Variants in TUSC3 observed in about 807,000 individuals in gnomAD.
TUSC3 encodes the protein tumor suppressor candidate 3, also known as dolichyl-diphosphooligosaccharide--protein glycosyltransferase subunit TUSC3.
Under a neutral mutation model 44.8 loss-of-function variants are expected in TUSC3, and 45 were observed. The ratio of observed to expected loss-of-function variants is 1.00; its 90% CI spans 0.79 to 1.29. The LOEUF is 1.29. Among genes scored for constraint, TUSC3 ranks in the 50% most tolerant of loss-of-function variants. TUSC3 has a pLI of 0.00. For missense variants in TUSC3, 519 were observed against 437.9 expected (o/e 1.19, Z -1.65); for synonymous variants, 212 against 152.9 (o/e 1.39, Z -2.85).
chr8:15,735,321 G>T (rs983392884), intron 7 of TUSC3, among the ~76,000 whole-genome samples: 3 of 152,138 alleles, frequency 2.0e-5, no homozygotes, highest in Non-Finnish European at 4.4e-5. Context: ...CACAAGTAAG[G>T]TTCAAGAACA....
chr8:15,675,609 C>T (rs186210677), intron 6 of TUSC3, among the ~76,000 whole-genome samples: 8 of 152,150 alleles, frequency 5.3e-5, no homozygotes, highest in Admixed American at 5.2e-4. Context: ...CTCCTCTACC[C>T]TCTAATAGGC....
intron 6 of TUSC3, among the ~76,000 whole-genome samples, chr8:15,695,669 A>C (rs1231444681): frequency 6.6e-6 from 1 of 152,200 alleles, no homozygotes; most frequent in Non-Finnish European, 1.5e-5. Flanking sequence ...CTCCCTAGAG[A>C]CTTGTTGAAT....
At chr8:15,663,342 A>G (rs940787324) in intron 5 of TUSC3, among the ~76,000 whole-genome samples, 1 of 151,810 alleles carries the variant, frequency 6.6e-6, no homozygotes, top group Non-Finnish European at 1.5e-5. Context: ...ACTACATACA[A>G]TGTATTATAT....
At chr8:15,693,580 C>A (rs1446441856) in intron 6 of TUSC3, among the ~76,000 whole-genome samples, 1 of 149,224 alleles carries the variant, frequency 6.7e-6, no homozygotes, top group Non-Finnish European at 1.5e-5. Flanking sequence ...GCTGCCTTAG[C>A]TTTTTTTTCC....
chr8:15,810,295 T>C, the TUSC3 span, among the ~76,000 whole-genome samples: 1 of 152,134 alleles, frequency 6.6e-6, no homozygotes, highest in South Asian at 2.1e-4. Flanking sequence ...CATGTTAAAA[T>C]ATTTCCTCCT....
chr8:15,537,110 G>C (rs1196542073), upstream of TUSC3, among the ~76,000 whole-genome samples: 1 of 151,128 alleles, frequency 6.6e-6, no homozygotes. Context: ...CACCCTTTTA[G>C]GTCTCTTAAG....
chr8:15,542,517 G>A (rs1801726682), intron 1 of TUSC3, among the ~76,000 whole-genome samples: 1 of 151,966 alleles, frequency 6.6e-6, no homozygotes, highest in South Asian at 2.1e-4. Flanking sequence ...CCTTTCAGAT[G>A]GCTGGGGCAG....
intron 1 of TUSC3, among the ~76,000 whole-genome samples, chr8:15,578,791 C>T (rs967694219): frequency 1.3e-5 from 2 of 152,004 alleles, no homozygotes; most frequent in African/African-American, 4.8e-5. Flanking sequence ...TTTGTTGTGT[C>T]TCTGCCTGGC....
At chr8:15,758,826 A>C (rs1321657490) in intron 10 of TUSC3, among the ~76,000 whole-genome samples, 1 of 152,112 alleles carries the variant, frequency 6.6e-6, no homozygotes, top group Non-Finnish European at 1.5e-5. Context: ...CCTGAGCACT[A>C]GGAGACTGGA....
chr8:15,638,644 G>C (rs1806209286), intron 2 of TUSC3, among the ~76,000 whole-genome samples: 1 of 149,070 alleles, frequency 6.7e-6, no homozygotes, highest in South Asian at 2.1e-4. Flanking sequence ...CCCTGCTGCA[G>C]CCTCCTTAGT....
At chr8:15,642,280 T>C (rs983726167) in intron 2 of TUSC3, among the ~76,000 whole-genome samples, 5 of 152,210 alleles carry the variant, frequency 3.3e-5, no homozygotes, top group Non-Finnish European at 7.3e-5. Context: ...TCAAGAATTA[T>C]TTAAGAATAG....
chr8:15,441,363 C>T (rs372448787), intron 1 of TUSC3, among the ~76,000 whole-genome samples: 13 of 152,202 alleles, frequency 8.5e-5, no homozygotes, highest in East Asian at 3.9e-4. Flanking sequence ...GCCGAGATCG[C>T]GTCACTGCAC....
intron 2 of TUSC3, among the ~76,000 whole-genome samples, chr8:15,505,087 A>T (rs984687574): frequency 6.6e-6 from 1 of 152,168 alleles, no homozygotes; most frequent in African/African-American, 2.4e-5. Flanking sequence ...CACCTCCCAC[A>T]TTGTAAAAAT....
chr8:15,521,297 C>A (rs891552903), intron 2 of TUSC3, among the ~76,000 whole-genome samples: 1 of 152,106 alleles, frequency 6.6e-6, no homozygotes, highest in Non-Finnish European at 1.5e-5. Context: ...TTACCACTGA[C>A]CTTCAGGGTT....
At chr8:15,702,458 T>C (rs1171656555) in intron 6 of TUSC3, among the ~76,000 whole-genome samples, 2 of 152,166 alleles carry the variant, frequency 1.3e-5, no homozygotes, top group Non-Finnish European at 2.9e-5. Flanking sequence ...TTCCTCCCTC[T>C]GGAATCTCAT....
chr8:15,491,427 C>CA (rs961602358), intron 2 of TUSC3, among the ~76,000 whole-genome samples: 3 of 151,936 alleles, frequency 2.0e-5, no homozygotes, highest in African/African-American at 7.3e-5. Flanking sequence ...TTAGTGAGTT[C>CA]AGGATCCCAA....
chr8:15,758,071 C>T (rs1201034782), intron 10 of TUSC3: 21 of 1,342,488 alleles, frequency 1.6e-5, no homozygotes, highest in African/African-American at 1.5e-4. Flanking sequence ...AAGACTGACA[C>T]GTGGAGTTAA....
At chr8:15,651,609 G>C (rs999775550) in intron 3 of TUSC3, among the ~76,000 whole-genome samples, 3 of 152,212 alleles carry the variant, frequency 2.0e-5, no homozygotes, top group Non-Finnish European at 4.4e-5. Flanking sequence ...TTAGAACACA[G>C]CGAGAAGATG....
intron 1 of TUSC3, among the ~76,000 whole-genome samples, chr8:15,609,142 C>T (rs796192592): frequency 1.3e-5 from 2 of 152,106 alleles, no homozygotes; most frequent in South Asian, 2.1e-4. Context: ...AATAAAGTCA[C>T]TGAAAAAATT....
Sources: allele counts gnomAD v4.1 joint callset (sites outside exome capture counted in the v4.1 genomes callset), GRCh38; gene constraint gnomAD v4.1.1; transcripts MANE v1.5; gene names NCBI Gene and HGNC (gene_info 2026-07-23, HGNC 2026-07-21).